Variants in SIGLEC9 observed in about 807,000 individuals in gnomAD.
SIGLEC9 encodes sialic acid-binding Ig-like lectin 9.
Under a neutral mutation model 38.3 loss-of-function variants are expected in SIGLEC9, and 26 were observed. That is an observed-to-expected ratio of 0.68 (90% confidence interval 0.50 to 0.94). SIGLEC9 has a LOEUF of 0.94. Among genes scored for constraint, SIGLEC9 ranks in the 40% least tolerant of loss-of-function variants. SIGLEC9 has a pLI of 0.00. For synonymous variants in SIGLEC9, 236 were observed against 248.0 expected, an observed-to-expected ratio of 0.95 and a Z score of 0.45; for missense variants, 556 against 585.7, an observed-to-expected ratio of 0.95 and a Z score of 0.52.
chr19:51,127,183 A>AC lies in SIGLEC9; in HGVS notation c.905dup (p.Val304GlyfsTer14). On this transcript the variant is annotated frameshift_variant, in exon 4 of 7. Transcript: ENST00000250360. LOFTEE classifies it high-confidence loss of function. Reference sequence around the variant, plus strand: ...ACCCTGTGCCCCTCACAGCCCTCAAACCCGGGGGTGCTGGAGCTGCCTTGG... The same window carrying AC: ...ACCCTGTGCCCCTCACAGCCCTCAAACCCCGGGGGTGCTGGAGCTGCCTTGG... The AC allele has an allele frequency of 6.2e-7, 1 of 1,614,178 alleles. No individual in the cohort carries two copies. Among genetic ancestry groups the AC allele is most frequent in the South Asian group, 1.1e-5 (1 of 91,088 alleles).
intron 4 of SIGLEC9, 147 bp downstream of exon 4, chr19:51,127,443 G>A: frequency 3.4e-6 from 3 of 883,196 alleles, no homozygotes; most frequent in Admixed American, 5.7e-5. Flanking sequence ...GGGACCCACA[G>A]CACCACTGTC....
chr19:51,130,531 A>G (rs946887061), downstream of SIGLEC9, among the ~76,000 whole-genome samples: 1 of 152,190 alleles, frequency 6.6e-6, no homozygotes, highest in Non-Finnish European at 1.5e-5. Context: ...ACTTGCCTGC[A>G]AAATAGCGAT....
chr19:51,128,598 A>G, intron 6 of SIGLEC9, 88 bp downstream of exon 6: 1 of 1,125,308 alleles, frequency 8.9e-7, no homozygotes, highest in South Asian at 1.4e-5. Context: ...GGGCGTAGCC[A>G]AAGTTACCTC....
chr19:51,125,072 A>G lies in SIGLEC9; in HGVS notation c.98A>G (p.Glu33Gly). ...LTMQSSVTVQ[E>G]GLCVHVPCSF... ...ATGCAGAGTTCCGTGACGGTGCAGG[A>G]AGGCCTGTGTGTCCATGTGCCCTGC... Residue 33 changes from glutamate to glycine, a missense_variant, in exon 1 of 7, where the codon GAA becomes GGA. Physicochemically the swap from Glu to Gly is moderately conservative, Grantham distance 98. Transcript: ENST00000250360. 1 of 1,614,108 alleles carries G rather than the reference A, an allele frequency of 6.2e-7. No homozygotes were observed. Among genetic ancestry groups the G allele is most frequent in the Non-Finnish European group, 8.5e-7 (1 of 1,179,986 alleles).
upstream of SIGLEC9, chr19:51,120,845 C>CT (rs67740870): frequency 0.22 from 29,847 of 135,506 alleles, 3,936 homozygotes; most frequent in African/African-American, 0.39. The surrounding 1 kb of genome is among the most constrained non-coding windows in gnomAD (Gnocchi z 4.1). Context: ...ATCAGGAATT[C>CT]TTTTTTTTTT....
At chr19:51,129,171 G>GTTGTTTTTTTTTTTTT (rs1555796366) in intron 6 of SIGLEC9, among the ~76,000 whole-genome samples, 9 of 138,992 alleles carry the variant, frequency 6.5e-5, no homozygotes, top group African/African-American at 2.7e-4. Flanking sequence ...TGTTGTTGTT[G>GTTGTTTTTTTTTTTTT]TTTTTGAGAC....
At chr19:51,121,582 C>CTTTT (rs374127142), upstream of SIGLEC9, among the ~76,000 whole-genome samples, 6 of 123,788 alleles carry the variant, frequency 4.8e-5, no homozygotes, top group Admixed American at 1.7e-4. Context: ...CCTTTGCTGT[C>CTTTT]TTTTTTTTTT....
In SIGLEC9 at chr19:51,129,937, C is replaced by A. The variant is rs747413882; in HGVS notation, c.1250C>A (p.Pro417His). The change falls in exon 7 of 7, where the codon CCT becomes CAT. Residue 417 changes from proline to histidine, a missense_variant. Physicochemically the swap from Pro to His is moderately conservative, Grantham distance 77. Transcript: ENST00000250360. The part of the protein sequence containing the change: ...PWAEDSPPDQ[P>H]PPASARSSVG... The stretch of plus-strand genomic sequence containing the variant: ...GCAGAAGACAGTCCCCCAGACCAGC[C>A]TCCCCCAGCTTCTGCCCGCTCCTCA... The A allele has an allele frequency of 3.7e-6, 6 of 1,612,342 alleles. No individual in the cohort carries two copies. The highest frequency in any genetic ancestry group is 4.2e-6 in the Non-Finnish European group (5 of 1,179,254).
At position 51,125,230 on chromosome 19, in the gene SIGLEC9, G is replaced by A; in HGVS notation, c.256G>A (p.Glu86Lys). 1 of 1,614,104 alleles carries A rather than the reference G, an allele frequency of 6.2e-7. No homozygotes were observed. Among genetic ancestry groups the A allele is most frequent in the Non-Finnish European group, 8.5e-7 (1 of 1,180,004 alleles). The change falls in exon 1 of 7, where the codon GAG (glutamate) becomes AAG (lysine). Residue 86 changes from glutamate to lysine, a missense_variant. By Grantham distance (56) the Glu-to-Lys change is moderately conservative. Coordinates refer to ENST00000250360, the MANE Select transcript of SIGLEC9 (RefSeq NM_014441.3). The part of the protein sequence containing the change: ...TNNPARAVWE[E>K]TRDRFHLLGD... ...CAACCCAGCTCGGGCAGTGTGGGAG[G>A]AGACTCGGGACCGATTCCACCTCCT...
At chr19:51,129,325 A>AT (rs34972500) in intron 6 of SIGLEC9, among the ~76,000 whole-genome samples, 23,189 of 150,662 alleles carry the variant, frequency 0.15, 2,300 homozygotes, top group East Asian at 0.5. Flanking sequence ...CGCCCAGCTA[A>AT]TTTTTTTGTA....
rs1461310889 is a variant in SIGLEC9, at chr19:51,128,057, A to AGAGG, written c.1106+30_1106+33dup. 6.3e-7 allele frequency: 1 copy of AGAGG among 1,588,580 alleles called. No individual in the cohort carries two copies. The highest frequency in any genetic ancestry group is 1.3e-5 in the African/African-American group (1 of 74,206). Reference sequence around the variant, plus strand: ...TTCGTTGTGTAAGCATGGACCCTAGAGAGGGAGGGAGGGAGAGCCCTGGGG... The same window carrying AGAGG: ...TTCGTTGTGTAAGCATGGACCCTAGAGAGGGAGGGAGGGAGGGAGAGCCCTGGGG... On this transcript the variant is annotated intron_variant, in intron 5 of 6. Transcript: ENST00000250360.
intron 3 of SIGLEC9, 68 bp downstream of exon 3, chr19:51,126,196 T>C (rs1456993908): frequency 7.5e-6 from 11 of 1,462,346 alleles, no homozygotes; most frequent in Non-Finnish European, 1.1e-5. Context: ...GCTGGCTTAT[T>C]CCTCAACCTG....
intron 6 of SIGLEC9, among the ~76,000 whole-genome samples, chr19:51,129,156 T>TG (rs1029200219): frequency 4.9e-5 from 7 of 143,576 alleles, no homozygotes; most frequent in African/African-American, 2.1e-4. Context: ...GTTTTTTTTT[T>TG]TTTTTGTTGT....
In SIGLEC9 at chr19:51,126,128, G is replaced by C; in HGVS notation, c.748G>C (p.Val250Leu). ...GACTGTCTTCCAAGGAGACGGCACA[G>C]GTAGGATGGAGCTCCCTCCCTGGGG... ...TMTVFQGDGT[V>L]STVLGNGSSL... The change falls in exon 3 of 7, where the codon GTA (valine) becomes CTA (leucine). Residue 250 changes from valine (V) to leucine (L), a missense_variant and splice_region_variant. Transcript: ENST00000250360. 1 of 1,613,942 alleles carries C rather than the reference G, an allele frequency of 6.2e-7. No homozygotes were observed. The highest frequency in any genetic ancestry group is 8.5e-7 in the Non-Finnish European group (1 of 1,179,816).
At chr19:51,129,189 T>C (rs58955328) in intron 6 of SIGLEC9, among the ~76,000 whole-genome samples, 10,103 of 144,348 alleles carry the variant, frequency 0.07, 1,700 homozygotes, top group African/African-American at 0.28. Flanking sequence ...GACAGAGTCT[T>C]GCTCTGTCGC....
chr19:51,120,306 G>A (rs1201132473), upstream of SIGLEC9: 1 of 152,210 alleles, frequency 6.6e-6, no homozygotes, highest in Non-Finnish European at 1.5e-5. This position sits in a 1 kb window ranked among gnomAD's most constrained non-coding sequence, Gnocchi z 4.1. Context: ...TACAGTTACG[G>A]AAATGAGAAG....
intron 3 of SIGLEC9, 140 bp downstream of exon 3, chr19:51,126,268 G>C (rs2122841570): frequency 2.5e-6 from 2 of 803,266 alleles, no homozygotes; most frequent in Non-Finnish European, 4.3e-6. Flanking sequence ...TGTATCCTTA[G>C]GCCCCAAGGC....
chr19:51,128,457 G>A lies in SIGLEC9; in HGVS notation c.1150G>A (p.Val384Met), dbSNP rs149057756. ...RKKSARPAAGVGDTGIEDANA... is the reference protein window; with the variant it reads ...RKKSARPAAGMGDTGIEDANA... ...GAAATCGGCAAGGCCAGCAGCGGGC[G>A]TGGGAGATACGGGCATAGAGGATGC... The change falls in exon 6 of 7, where the codon GTG becomes ATG. Residue 384 changes from valine (V) to methionine (M), a missense_variant. By Grantham distance (21) the Val-to-Met change is conservative (BLOSUM62 1). Transcript: ENST00000250360. The A allele has an allele frequency of 1.8e-5, 29 of 1,614,128 alleles. No individual in the cohort carries two copies. The highest frequency in any genetic ancestry group is 8.8e-5 in the South Asian group (8 of 91,084).
chr19:51,128,948 C>T (rs949913400), intron 6 of SIGLEC9: 2 of 166,748 alleles, frequency 1.2e-5, no homozygotes, highest in East Asian at 1.8e-4. Flanking sequence ...ATTGCAGCTC[C>T]TCAAATCTGC....
Sources: gnomAD v4.1 joint callset for allele counts (sites outside exome capture counted in the v4.1 genomes callset) on GRCh38, gnomAD v4.1.1 for gene constraint, Gnocchi (gnomAD v3.1) non-coding constraint, MANE v1.5 for transcripts, NCBI Gene and HGNC (gene_info 2026-07-23, HGNC 2026-07-21) for gene names.